MDGA2: variants seen among roughly 807,000 people sequenced by gnomAD.
The protein encoded by MDGA2 is MAM domain-containing glycosylphosphatidylinositol anchor protein 2.
In MDGA2, 40 loss-of-function variants were observed where a neutral mutation model predicts 117.8. The observed-to-expected ratio is 0.34, with a 90% CI of 0.26 to 0.44. The LOEUF (loss-of-function observed/expected upper bound fraction) is 0.44. MDGA2 is among the 20% of genes least tolerant of loss of function. MDGA2 has a pLI of 1.00. For synonymous variants in MDGA2, 452 were observed against 439.0 expected (o/e 1.03, Z -0.37); for missense variants, 1,123 against 1,250.6 (o/e 0.90, Z 1.54).
chr14:47,521,156 C>T (rs1894859240), intron 1 of MDGA2, among the ~76,000 whole-genome samples: 2 of 152,168 alleles, frequency 1.3e-5, no homozygotes, highest in Admixed American at 6.5e-5. Flanking sequence ...GGAAGACTTG[C>T]TTCCTCCTTC....
At chr14:47,599,315 T>G (rs1048495840) in intron 1 of MDGA2, among the ~76,000 whole-genome samples, 5 of 131,840 alleles carry the variant, frequency 3.8e-5, no homozygotes, top group African/African-American at 1.3e-4. Context: ...CAAATGCTGT[T>G]TTTTTTTTTG....
At chr14:47,578,570 C>T (rs1357304166) in intron 1 of MDGA2, among the ~76,000 whole-genome samples, 1 of 152,028 alleles carries the variant, frequency 6.6e-6, no homozygotes, top group African/African-American at 2.4e-5. Flanking sequence ...TGAGACATCA[C>T]CAAAATAGGG....
At chr14:47,408,277 A>G (rs1216998982) in intron 1 of MDGA2, among the ~76,000 whole-genome samples, 1 of 152,098 alleles carries the variant, frequency 6.6e-6, no homozygotes, top group African/African-American at 2.4e-5. Flanking sequence ...GATGGTCTCT[A>G]TCTACTGACC....
intron 3 of MDGA2, among the ~76,000 whole-genome samples, chr14:47,196,538 C>T (rs1313887044): frequency 1.3e-5 from 2 of 152,146 alleles, no homozygotes; most frequent in Admixed American, 6.6e-5. Context: ...ATAATATAAA[C>T]AGATGAATAG....
chr14:47,407,306 C>T (rs1892278462), intron 1 of MDGA2, among the ~76,000 whole-genome samples: 1 of 152,156 alleles, frequency 6.6e-6, no homozygotes, highest in South Asian at 2.1e-4. Flanking sequence ...AATCTACATT[C>T]AGTATAATCA....
chr14:47,076,431 C>G (rs759571913), intron 6 of MDGA2, among the ~76,000 whole-genome samples: 24 of 151,988 alleles, frequency 1.6e-4, no homozygotes, highest in Non-Finnish European at 2.9e-4. Context: ...TCTGAAAGCT[C>G]AGTTAGGCCA....
At chr14:47,157,595 ATGTGTGTG>A (rs55697311) in intron 3 of MDGA2, among the ~76,000 whole-genome samples, 1,986 of 144,512 alleles carry the variant, frequency 0.014, 13 homozygotes, top group African/African-American at 0.024. Context: ...ATGTACATAT[ATGTGTGTG>A]TGTGTGTGTG....
chr14:46,941,404 G>A (rs777364570), intron 9 of MDGA2, among the ~76,000 whole-genome samples: 123 of 152,274 alleles, frequency 8.1e-4, no homozygotes, highest in Admixed American at 1.2e-3. Flanking sequence ...CTTGATAAAA[G>A]ATGCCAGATC....
intron 1 of MDGA2, among the ~76,000 whole-genome samples, chr14:47,328,509 A>G (rs1432087247): frequency 6.6e-6 from 1 of 152,164 alleles, no homozygotes; most frequent in African/African-American, 2.4e-5. Flanking sequence ...TACAATTTGC[A>G]CGTTTTATGC....
rs183565445 is a variant in MDGA2, at chr14:46,981,178, G to C, written c.1820-23535C>G. Among the ~76,000 whole-genome samples the C allele has an allele frequency of 5.1e-4, 77 of 151,692 alleles. No individual in the cohort carries two copies. The East Asian group carries it at 0.013, about 26-fold the overall frequency. On this transcript the variant is annotated intron_variant, in intron 8 of 16. Transcript: ENST00000399232. ...CAGCACTTTGGGAGGCCAAGGGGGGGGCGGATCATGAGGTCAGGAGTTCGA... is the reference window on the plus strand; with the variant it reads ...CAGCACTTTGGGAGGCCAAGGGGGGCGCGGATCATGAGGTCAGGAGTTCGA...
At chr14:47,621,865 G>A (rs543635828) in intron 1 of MDGA2, among the ~76,000 whole-genome samples, 1 of 152,262 alleles carries the variant, frequency 6.6e-6, no homozygotes, top group Non-Finnish European at 1.5e-5. Flanking sequence ...AGTTTTTATT[G>A]TTCTAAACAA....
At chr14:47,149,639 T>G (rs1354562273) in intron 3 of MDGA2, among the ~76,000 whole-genome samples, 1 of 152,116 alleles carries the variant, frequency 6.6e-6, no homozygotes, top group Non-Finnish European at 1.5e-5. Context: ...TGGTCCTTTT[T>G]TCATTGTCTG....
rs367997238 is a variant in MDGA2 at position 46,957,495 on chromosome 14, T to C, written c.1968A>G (p.Gln656=). Residue 656 remains glutamine (Q), a synonymous_variant, in exon 9 of 17, where the codon CAA becomes CAG. Coordinates refer to ENST00000399232, the MANE Select transcript of MDGA2 (RefSeq NM_001113498.3). ...RLGNKLLRTG[Q]FDSQEYTEYA... ...ACTCTGTGTATTCCTGAGAGTCAAA[T>C]TGACCCGTCCGTAATAATTTATTGC... is the stretch of plus-strand genomic sequence containing the variant. The C allele has an allele frequency of 3.1e-5, 50 of 1,614,018 alleles. No individual in the cohort carries two copies. The highest frequency in any genetic ancestry group is 4.5e-5 in the East Asian group (2 of 44,870).
At chr14:47,174,566 T>C (rs553315480) in intron 3 of MDGA2, among the ~76,000 whole-genome samples, 138 of 152,128 alleles carry the variant, frequency 9.1e-4, no homozygotes, top group African/African-American at 3.2e-3. Context: ...CATAATGAAA[T>C]GAAGGCAGAA....
At chr14:47,213,047 G>T (rs1885942829) in intron 3 of MDGA2, among the ~76,000 whole-genome samples, 2 of 151,904 alleles carry the variant, frequency 1.3e-5, no homozygotes, top group Admixed American at 1.3e-4. Context: ...CTTATTTTGG[G>T]GATGATATTT....
intron 14 of MDGA2, among the ~76,000 whole-genome samples, chr14:46,867,731 TCTTTATC>T (rs2138345096): frequency 6.6e-6 from 1 of 152,180 alleles, no homozygotes; most frequent in South Asian, 2.1e-4. Flanking sequence ...AAGTTTTATA[TCTTTATC>T]CTTTATATGA....
At chr14:47,454,316 G>A (rs989092256) in intron 1 of MDGA2, among the ~76,000 whole-genome samples, 6 of 152,004 alleles carry the variant, frequency 3.9e-5, no homozygotes, top group Non-Finnish European at 1.5e-5. Flanking sequence ...GTTTATTTAC[G>A]ATGAAGGGGA....
At chr14:47,407,409 A>G (rs1480664269) in intron 1 of MDGA2, among the ~76,000 whole-genome samples, 1 of 152,062 alleles carries the variant, frequency 6.6e-6, no homozygotes, top group Non-Finnish European at 1.5e-5. Context: ...CATTATTTTT[A>G]TTAGATATCT....
At chr14:47,007,415 A>G (rs1359524233) in intron 8 of MDGA2, among the ~76,000 whole-genome samples, 1 of 151,778 alleles carries the variant, frequency 6.6e-6, no homozygotes, top group Non-Finnish European at 1.5e-5. Flanking sequence ...GGTTTCATGC[A>G]TCTGGTAAGT....
Sources: allele counts gnomAD v4.1 joint callset (sites outside exome capture counted in the v4.1 genomes callset), GRCh38; gene constraint gnomAD v4.1.1; transcripts MANE v1.5; gene names NCBI Gene and HGNC (gene_info 2026-07-23, HGNC 2026-07-21).